Variants in PPP1R17 observed in about 807,000 individuals in gnomAD.
PPP1R17 encodes the protein protein phosphatase 1 regulatory subunit 17, also known as G-substrate.
A neutral mutation model predicts 15.9 loss-of-function variants in PPP1R17; 12 were observed. The observed-to-expected ratio is 0.75, with a 90% CI of 0.48 to 1.22. PPP1R17 has a LOEUF of 1.22. PPP1R17 is among the 50% of genes most tolerant of loss of function. The probability of loss-of-function intolerance (pLI) is 0.00; values close to 1 mark genes in which losing one functional copy is unlikely to be tolerated. For missense variants in PPP1R17, 211 were observed against 187.3 expected (o/e 1.13, Z -0.74); for synonymous variants, 63 against 64.5 (o/e 0.98, Z 0.11).
chr7:31,699,506 G>C (rs1263568222), intron 4 of PPP1R17, among the ~76,000 whole-genome samples: 1 of 152,190 alleles, frequency 6.6e-6, no homozygotes, highest in Non-Finnish European at 1.5e-5. Context: ...AATTTGTTAA[G>C]TTTGATTGCT....
intron 1 of PPP1R17, among the ~76,000 whole-genome samples, chr7:31,690,471 AT>A (rs775157454): frequency 1.0e-3 from 156 of 152,340 alleles, no homozygotes; most frequent in Non-Finnish European, 1.8e-3. Context: ...TGCAAATTTT[AT>A]TGTAGCAGAC....
intron 2 of PPP1R17, among the ~76,000 whole-genome samples, chr7:31,694,393 C>A (rs1394149716): frequency 2.0e-5 from 3 of 151,564 alleles, no homozygotes; most frequent in Non-Finnish European, 4.4e-5. Context: ...CTCAAACACA[C>A]ACACACACAC....
chr7:31,690,209 C>A (rs1012600793), intron 1 of PPP1R17, among the ~76,000 whole-genome samples: 5 of 152,220 alleles, frequency 3.3e-5, no homozygotes, highest in Non-Finnish European at 7.3e-5. Context: ...TTTCATTATA[C>A]AACGGGTCTT....
At chr7:31,701,774 A>C (rs543084958) in intron 4 of PPP1R17, among the ~76,000 whole-genome samples, 39 of 152,376 alleles carry the variant, frequency 2.6e-4, no homozygotes, top group African/African-American at 8.7e-4. Flanking sequence ...TCTAAGACTC[A>C]GTGAAGACTC....
intron 4 of PPP1R17, among the ~76,000 whole-genome samples, chr7:31,704,281 T>C (rs143010319): frequency 1.4e-3 from 212 of 152,314 alleles, no homozygotes; most frequent in African/African-American, 4.6e-3. Context: ...CGTGGTGTCC[T>C]AGCCCTGGCT....
chr7:31,700,150 A>G (rs1792780753), intron 4 of PPP1R17, among the ~76,000 whole-genome samples: 1 of 152,214 alleles, frequency 6.6e-6, no homozygotes, highest in African/African-American at 2.4e-5. Context: ...ATAGGCTGAA[A>G]ATTAGGTCTC....
rs377129143 is a variant in PPP1R17 at position 31,692,539 on chromosome 7, A to G, written c.82+16A>G. On this transcript the variant is annotated intron_variant, in intron 2 of 4. Transcript: ENST00000342032. ...AGCCACTTAGGTAAACAAATGATCG[A>G]TTGTGAATGTCAGTGGTGGAAGTCA... The G allele has an allele frequency of 9.5e-6, 15 of 1,575,958 alleles. No homozygotes were observed. In the Admixed American group the frequency reaches 2.5e-4, roughly 26 times the overall value.
chr7:31,705,060 C>A (rs1793008696), intron 4 of PPP1R17, among the ~76,000 whole-genome samples: 1 of 152,106 alleles, frequency 6.6e-6, no homozygotes, highest in South Asian at 2.1e-4. Context: ...AAAATTAATT[C>A]TTAACTGTAT....
At chr7:31,694,142 C>G (rs765675809) in intron 2 of PPP1R17, among the ~76,000 whole-genome samples, 5 of 152,090 alleles carry the variant, frequency 3.3e-5, no homozygotes, top group African/African-American at 9.7e-5. Flanking sequence ...GAAATAATAA[C>G]TAGATCATCT....
intron 2 of PPP1R17, among the ~76,000 whole-genome samples, chr7:31,693,503 C>T: frequency 1.3e-5 from 2 of 152,270 alleles, no homozygotes; most frequent in African/African-American, 4.8e-5. Context: ...AGCAGTGTAC[C>T]CCTCAGCTTT....
At chr7:31,689,304 A>G (rs924071953) in intron 1 of PPP1R17, among the ~76,000 whole-genome samples, 3 of 152,214 alleles carry the variant, frequency 2.0e-5, no homozygotes, top group African/African-American at 7.2e-5. Context: ...AATGTGAAGT[A>G]TTAGACAACA....
intron 4 of PPP1R17, among the ~76,000 whole-genome samples, chr7:31,698,904 A>T (rs887128210): frequency 9.2e-5 from 14 of 152,180 alleles, no homozygotes; most frequent in African/African-American, 3.4e-4. Context: ...GAGGCAGAAA[A>T]GACAAATCCA....
intron 3 of PPP1R17, among the ~76,000 whole-genome samples, chr7:31,696,572 A>C (rs932678219): frequency 6.6e-6 from 1 of 152,162 alleles, no homozygotes; most frequent in Non-Finnish European, 1.5e-5. Context: ...CTTGCAATAC[A>C]TCAGATGAAA....
At chr7:31,690,572 G>A (rs1392785016) in intron 1 of PPP1R17, among the ~76,000 whole-genome samples, 5 of 152,134 alleles carry the variant, frequency 3.3e-5, no homozygotes, top group East Asian at 1.9e-4. Context: ...CAACTTCATC[G>A]AAGTCATATG....
intron 4 of PPP1R17, among the ~76,000 whole-genome samples, chr7:31,704,327 T>C (rs932177130): frequency 1.3e-5 from 2 of 152,190 alleles, no homozygotes; most frequent in African/African-American, 4.8e-5. Context: ...TGAACTATTT[T>C]AGATGGGGCT....
At chr7:31,694,772 G>A (rs150882088) in intron 2 of PPP1R17, among the ~76,000 whole-genome samples, 66 of 152,286 alleles carry the variant, frequency 4.3e-4, no homozygotes, top group African/African-American at 1.5e-3. Context: ...GGCGTGATCA[G>A]ATTGGATTCA....
chr7:31,699,811 C>A (rs999111345), intron 4 of PPP1R17, among the ~76,000 whole-genome samples: 2 of 151,594 alleles, frequency 1.3e-5, no homozygotes, highest in Admixed American at 6.6e-5. Context: ...ATTATTATAT[C>A]TTTTATGGTG....
At chr7:31,688,016 G>T (rs1792178980) in intron 1 of PPP1R17, among the ~76,000 whole-genome samples, 1 of 152,144 alleles carries the variant, frequency 6.6e-6, no homozygotes, top group African/African-American at 2.4e-5. Flanking sequence ...CTCATTACCA[G>T]CTTCAGAGAA....
intron 4 of PPP1R17, among the ~76,000 whole-genome samples, chr7:31,706,521 T>C (rs1379351128): frequency 2.0e-5 from 3 of 152,204 alleles, no homozygotes; most frequent in Non-Finnish European, 4.4e-5. Context: ...CAGTACACTT[T>C]CCTTATTTTC....
Sources: allele counts gnomAD v4.1 joint callset (sites outside exome capture counted in the v4.1 genomes callset), GRCh38; gene constraint gnomAD v4.1.1; transcripts MANE v1.5; gene names NCBI Gene and HGNC (gene_info 2026-07-23, HGNC 2026-07-21).